Variants in C8orf76 observed in about 807,000 individuals in gnomAD.
C8orf76 encodes the protein chromosome 8 open reading frame 76.
In C8orf76, 46 loss-of-function variants were observed where a neutral mutation model predicts 38.1. The ratio of observed to expected loss-of-function variants is 1.21; its 90% CI spans 0.95 to 1.54. The LOEUF (loss-of-function observed/expected upper bound fraction) is 1.54, where lower values mean the gene tolerates loss of function less well. Ranked by LOEUF, C8orf76 falls within the 40% of genes most tolerant of loss-of-function variation. C8orf76 has a pLI of 0.00. For synonymous variants in C8orf76, 166 were observed against 167.5 expected (o/e 0.99, Z 0.07); for missense variants, 461 against 441.6 (o/e 1.04, Z -0.39).
At chr8:123,239,354 C>T (rs919566425) in intron 1 of C8orf76, 3 of 473,958 alleles carry the variant, frequency 6.3e-6, no homozygotes, top group African/African-American at 2.0e-5. Flanking sequence ...TGTGAGCCAC[C>T]GCACCCAGCC....
chr8:123,220,406 G>T (rs1402769967), intron 5 of C8orf76, 109 bp from the exon 6 acceptor site: 1 of 773,528 alleles, frequency 1.3e-6, no homozygotes, highest in Non-Finnish European at 2.0e-6. Context: ...TACTTGAGCA[G>T]CCAGGGGACA....
At chr8:123,225,746 T>C (rs1336323070) in intron 5 of C8orf76, among the ~76,000 whole-genome samples, 1 of 151,936 alleles carries the variant, frequency 6.6e-6, no homozygotes, top group Non-Finnish European at 1.5e-5. Context: ...GCCAACATGG[T>C]GAACCCTGTC....
chr8:123,228,961 G>C (rs2131142423), intron 4 of C8orf76, among the ~76,000 whole-genome samples: 1 of 152,338 alleles, frequency 6.6e-6, no homozygotes, highest in Admixed American at 6.5e-5. Flanking sequence ...GCTTGCAAGA[G>C]TTCAGGTTCA....
At position 123,237,730 on chromosome 8, in the gene C8orf76, T is replaced by A. The variant is rs1825549666; in HGVS notation, c.357+68A>T. On this transcript the variant is annotated intron_variant, in intron 3 of 5. Coordinates refer to ENST00000276704, the MANE Select transcript of C8orf76 (RefSeq NM_032847.3). Reference sequence around the variant, plus strand: ...CTACTAGCAAGAAGTTTGTTTTGTTTTCAAAAAATACACCATTCGACCACC... The same window carrying A: ...CTACTAGCAAGAAGTTTGTTTTGTTATCAAAAAATACACCATTCGACCACC... 2.7e-6 allele frequency: 4 copies of A among 1,509,372 alleles called. No homozygotes were observed. In the South Asian group the frequency reaches 5.5e-5, roughly 21 times the overall value. The allele number at this position is 1,509,372 out of a possible 1,614,324, so 93.5% of individuals were successfully genotyped here.
At chr8:123,222,674 T>C (rs1344177906) in intron 5 of C8orf76, among the ~76,000 whole-genome samples, 1 of 152,186 alleles carries the variant, frequency 6.6e-6, no homozygotes, top group Admixed American at 6.5e-5. Flanking sequence ...GCATTTGACA[T>C]GATACAAATG....
At chr8:123,236,451 T>A (rs1241734525) in intron 3 of C8orf76, among the ~76,000 whole-genome samples, 3 of 152,088 alleles carry the variant, frequency 2.0e-5, no homozygotes, top group Non-Finnish European at 2.9e-5. Flanking sequence ...TAAAAAAAAA[T>A]TCCGCTTTAG....
intron 3 of C8orf76, 101 bp downstream of exon 3, chr8:123,237,697 A>G: frequency 7.0e-7 from 1 of 1,427,546 alleles, no homozygotes; most frequent in Non-Finnish European, 9.2e-7. Flanking sequence ...CCAAACCCAT[A>G]GATTTTGCTA....
intron 3 of C8orf76, chr8:123,236,799 G>T: frequency 3.0e-5 from 15 of 508,260 alleles, no homozygotes; most frequent in Non-Finnish European, 3.9e-5. Context: ...AAAAAAAAAA[G>T]AAAGAAAAAT....
At chr8:123,226,454 A>G in intron 5 of C8orf76, 46 bp downstream of exon 5, 1 of 1,599,064 alleles carries the variant, frequency 6.3e-7, no homozygotes, top group East Asian at 2.2e-5. Flanking sequence ...GCCAGGGAAA[A>G]TATCTATGAT....
chr8:123,226,436 CT>C, intron 5 of C8orf76, 63 bp downstream of exon 5: 7 of 1,588,052 alleles, frequency 4.4e-6, no homozygotes, highest in Non-Finnish European at 6.0e-6. Flanking sequence ...ATAAAAAATG[CT>C]ATCAGAGCCA....
Position 123,230,675 on chromosome 8 carries a change from G to A in C8orf76, c.815+625C>T, listed in dbSNP as rs547677955. ...CAACTCTTTTTTTTTTTTTTGAGAC[G>A]GAGTCTTGCCCTGTCGCCAGGCTGG... is the stretch of plus-strand genomic sequence containing the variant. On this transcript the variant is annotated intron_variant, in intron 4 of 5. Coordinates refer to ENST00000276704, the MANE Select transcript of C8orf76 (RefSeq NM_032847.3). Among the ~76,000 whole-genome samples the A allele has an allele frequency of 1.7e-3, 259 of 148,302 alleles. 1 individual carries two copies. The highest frequency in any genetic ancestry group is 2.5e-3 in the Admixed American group (37 of 14,962).
intron 2 of C8orf76, 74 bp downstream of exon 2, chr8:123,238,975 G>T: frequency 1.4e-6 from 2 of 1,437,348 alleles, no homozygotes; most frequent in Non-Finnish European, 9.7e-7. Context: ...ACACTAACTT[G>T]GTACACTGTT....
At chr8:123,236,878 A>G in intron 3 of C8orf76, 1 of 885,798 alleles carries the variant, frequency 1.1e-6, no homozygotes, top group East Asian at 2.4e-5. Flanking sequence ...AGACCCTCAC[A>G]GGCAAGACCA....
chr8:123,226,332 C>T lies in C8orf76; in HGVS notation c.948+168G>A, dbSNP rs574155615. The T allele has an allele frequency of 2.6e-4, 382 of 1,459,662 alleles. 1 individual carries two copies. The highest frequency in any genetic ancestry group is 3.4e-4 in the Non-Finnish European group (375 of 1,117,342). 90.4% of individuals were successfully genotyped at this position (1,459,662 alleles called of 1,614,324 possible). A position where few individuals can be genotyped will look rare whatever the true frequency, so the allele number is the denominator to read the frequency against. On this transcript the variant is annotated intron_variant, in intron 5 of 5. Coordinates refer to ENST00000276704, the MANE Select transcript of C8orf76 (RefSeq NM_032847.3). ...GGTCCCGCACGCTGCAGGGGAATGCCGATCAAGAGGCCGCCTTGGTGATTG... is the reference window on the plus strand; with the variant it reads ...GGTCCCGCACGCTGCAGGGGAATGCTGATCAAGAGGCCGCCTTGGTGATTG...
chr8:123,226,675 C>T (rs758506341), intron 4 of C8orf76, 43 bp from the exon 5 acceptor site: 20 of 1,555,350 alleles, frequency 1.3e-5, no homozygotes, highest in South Asian at 8.6e-5. Flanking sequence ...AAAGTCCCAA[C>T]GCTTCCAGAT....
intron 5 of C8orf76, chr8:123,226,231 A>C: frequency 7.6e-6 from 10 of 1,310,502 alleles, no homozygotes; most frequent in Non-Finnish European, 9.7e-6. Flanking sequence ...TGAAACAAAC[A>C]ATTATTGGGC....
intron 3 of C8orf76, among the ~76,000 whole-genome samples, chr8:123,236,410 G>C (rs1309248841): frequency 6.6e-6 from 1 of 151,930 alleles, no homozygotes; most frequent in East Asian, 1.9e-4. Flanking sequence ...ATAAAATCTA[G>C]AACTGGAAAG....
At chr8:123,233,563 T>C (rs1825352531) in intron 3 of C8orf76, among the ~76,000 whole-genome samples, 1 of 150,356 alleles carries the variant, frequency 6.7e-6, no homozygotes, top group African/African-American at 2.4e-5. Context: ...CCAAGAGAGT[T>C]TTTAAAATTG....
chr8:123,241,230 C>T lies in C8orf76; in HGVS notation c.117G>A (p.Gln39=), dbSNP rs1282142120. ...ASYCAKLCEP[Q]WFYEETESSD... is the part of the protein sequence containing the mutation. ...AGGCGAAGAGGCCCCAGCTTCTCAC[C>T]TGCGGCTCGCAGAGCTTGGCGCAGT... Residue 39 remains glutamine (Q), a splice_region_variant and synonymous_variant, in exon 1 of 6, where the codon CAG becomes CAA. Coordinates refer to ENST00000276704, the MANE Select transcript of C8orf76 (RefSeq NM_032847.3). 15 of 1,585,274 alleles carry T rather than the reference C, an allele frequency of 9.5e-6. No individual in the cohort carries two copies. Among genetic ancestry groups the T allele is most frequent in the African/African-American group, 1.4e-5 (1 of 71,890 alleles).
Sources: allele counts gnomAD v4.1 joint callset (sites outside exome capture counted in the v4.1 genomes callset), GRCh38; gene constraint gnomAD v4.1.1; transcripts MANE v1.5; gene names NCBI Gene and HGNC (gene_info 2026-07-23, HGNC 2026-07-21).